Variants in CDH26 observed in about 807,000 individuals in gnomAD.
The protein encoded by CDH26 is cadherin-like protein 26.
Under a neutral mutation model 90.3 loss-of-function variants are expected in CDH26, and 83 were observed. The observed-to-expected ratio is 0.92, with a 90% CI of 0.77 to 1.10. CDH26 has a LOEUF of 1.10. Ranked by LOEUF, CDH26 falls within the 50% of genes least tolerant of loss-of-function variation. The pLI is 0.00. For missense variants in CDH26, 1,013 were observed against 1,037.6 expected (o/e 0.98, Z 0.33); for synonymous variants, 397 against 396.3 (o/e 1.00, Z -0.02).
chr20:59,994,179 G>T, intron 10 of CDH26, 71 bp from the exon 11 acceptor site: 3 of 1,576,642 alleles, frequency 1.9e-6, no homozygotes, highest in South Asian at 1.1e-5. Flanking sequence ...TCTGAGAGAC[G>T]GAGAGTGCTC....
At chr20:60,003,131 T>C (rs2061698488) in intron 16 of CDH26, among the ~76,000 whole-genome samples, 1 of 152,228 alleles carries the variant, frequency 6.6e-6, no homozygotes, top group African/African-American at 2.4e-5. Context: ...ACCTCAGTCA[T>C]AGGCTGAGTT....
At chr20:59,977,157 C>T (rs1264814020) in intron 4 of CDH26, among the ~76,000 whole-genome samples, 4 of 152,130 alleles carry the variant, frequency 2.6e-5, no homozygotes, top group African/African-American at 7.2e-5. Context: ...AGGCCATCTA[C>T]GGGAAGGGCT....
chr20:60,001,245 T>A, intron 14 of CDH26, 98 bp from the exon 15 acceptor site: 1 of 1,428,048 alleles, frequency 7.0e-7, no homozygotes, highest in Non-Finnish European at 9.7e-7. Flanking sequence ...TATGAATATA[T>A]GAGCAAGGGG....
chr20:59,979,898 A>G (rs2061375251), intron 4 of CDH26, among the ~76,000 whole-genome samples: 1 of 151,972 alleles, frequency 6.6e-6, no homozygotes, highest in South Asian at 2.1e-4. Context: ...AAGTGCTGGG[A>G]TTACAGGTGT....
At chr20:59,994,510 C>T (rs563877897) in intron 11 of CDH26, 21 bp downstream of exon 11, 95 of 1,611,264 alleles carry the variant, frequency 5.9e-5, no homozygotes, top group Middle Eastern at 1.6e-4. Context: ...GTATTGGTTA[C>T]GGGCAAAGAG....
chr20:59,967,923 C>CTTT (rs2061187153), intron 1 of CDH26, among the ~76,000 whole-genome samples: 2 of 136,514 alleles, frequency 1.5e-5, no homozygotes, highest in African/African-American at 6.0e-5. Flanking sequence ...CCTTTCCTTT[C>CTTT]CTTTCCTTTC....
In CDH26 at chr20:59,970,159, G is replaced by A. The variant is rs764734372; in HGVS notation, c.204G>A (p.Pro68=). 18 of 1,613,872 alleles carry A rather than the reference G, an allele frequency of 1.1e-5. No homozygotes were observed. The highest frequency in any genetic ancestry group is 1.6e-4 in the Middle Eastern group (1 of 6,080). ...ITTLELEEED[P]GPFPKLIGEL... is the part of the protein sequence containing the mutation. ...CCTTGGAGCTGGAGGAGGAAGACCC[G>A]GGACCCTTTCCCAAACTCATTGGTG... The change falls in exon 3 of 18, where the codon CCG becomes CCA. Residue 68 remains proline (P), a synonymous_variant. Coordinates refer to ENST00000348616, the MANE Select transcript of CDH26 (RefSeq NM_177980.4).
At chr20:60,009,600 A>G (rs1371232484) in intron 17 of CDH26, among the ~76,000 whole-genome samples, 2 of 152,014 alleles carry the variant, frequency 1.3e-5, no homozygotes, top group Non-Finnish European at 2.9e-5. Context: ...TGGAAGCTCG[A>G]AGCTCTGCTT....
chr20:60,009,710 G>A (rs932299725), intron 17 of CDH26, among the ~76,000 whole-genome samples: 3 of 152,088 alleles, frequency 2.0e-5, no homozygotes, highest in Non-Finnish European at 4.4e-5. Context: ...TTGATCTGAT[G>A]AGGCCTCCAA....
chr20:59,984,890 G>A, intron 6 of CDH26, 85 bp downstream of exon 6: 1 of 1,559,090 alleles, frequency 6.4e-7, no homozygotes. Context: ...TTGTAGTGGG[G>A]AACCCTCTGT....
chr20:60,002,759 T>C (rs1253787273), intron 15 of CDH26, 54 bp from the exon 16 acceptor site: 1 of 1,413,082 alleles, frequency 7.1e-7, no homozygotes, highest in Non-Finnish European at 9.8e-7. Context: ...AGTTATGTAT[T>C]TGCATCCTTT....
chr20:60,026,839 G>C (rs769435999), intron 7 of CDH26, among the ~76,000 whole-genome samples: 1 of 152,226 alleles, frequency 6.6e-6, no homozygotes, highest in Non-Finnish European at 1.5e-5. Flanking sequence ...CTGGTAATCT[G>C]TATGACATCA....
intron 2 of CDH26, among the ~76,000 whole-genome samples, chr20:59,969,500 C>T (rs746054865): frequency 1.2e-4 from 18 of 152,168 alleles, no homozygotes; most frequent in Non-Finnish European, 2.4e-4. Context: ...TAGAAACCAA[C>T]TTCACTTATA....
At position 59,996,166 on chromosome 20, in the gene CDH26, G is replaced by A. The variant is rs1316117157; in HGVS notation, c.1888+112G>A. ...CAGCGGTGGCAGGATTGGTGGAATG[G>A]CTTTGAGAATGACTTCTGGGTGTAC... On this transcript the variant is annotated intron_variant, in intron 12 of 17. Transcript: ENST00000348616. The A allele has an allele frequency of 3.4e-6, 4 of 1,162,218 alleles. No homozygotes were observed. In the African/African-American group the frequency reaches 4.6e-5, roughly 13 times the overall value. The allele number at this position is 1,162,218 out of a possible 1,614,324, so 72.0% of individuals were successfully genotyped here.
rs1222129983 is a variant in CDH26, at chr20:59,996,726, A to C, written c.1984A>C (p.Met662Leu). Residue 662 changes from methionine (M) to leucine (L), a missense_variant, in exon 13 of 18, where the codon ATG becomes CTG. Met to Leu is a conservative substitution (Grantham distance 15). Transcript: ENST00000348616. ...TGATGAAGGCCACCAAACACTGGTC[A>C]TGTATAATGCGGAGAGCAAAGGCAC... ...SNDEGHQTLV[M>L]YNAESKGTSA... 3.7e-6 allele frequency: 6 copies of C among 1,614,120 alleles called. No individual in the cohort carries two copies. The highest frequency in any genetic ancestry group is 2.2e-5 in the East Asian group (1 of 44,888).
At chr20:60,019,613 G>A (rs2061935852) in intron 7 of CDH26, among the ~76,000 whole-genome samples, 1 of 151,908 alleles carries the variant, frequency 6.6e-6, no homozygotes, top group Admixed American at 6.6e-5. Flanking sequence ...CCTTGATTTT[G>A]TTGAATTGTC....
At chr20:60,005,756 C>T (rs2061739856) in intron 16 of CDH26, among the ~76,000 whole-genome samples, 1 of 152,162 alleles carries the variant, frequency 6.6e-6, no homozygotes, top group Non-Finnish European at 1.5e-5. Context: ...GGGGATCCTC[C>T]CTCCAGGGCT....
chr20:59,969,887 C>T (rs1037678082), intron 2 of CDH26, among the ~76,000 whole-genome samples, 195 bp from the exon 3 acceptor site: 2 of 152,168 alleles, frequency 1.3e-5, no homozygotes, highest in South Asian at 2.1e-4. Context: ...GCATCCACCC[C>T]GTGGTTAGAG....
Position 60,002,830 on chromosome 20 carries a change from T to C in CDH26, c.2184T>C (p.Phe728=), listed in dbSNP as rs766760653. Reference sequence around the variant, plus strand: ...TCTTTAAGGGTTATGGCAAGCCCTTTGAGCCAAGAAGTGTGAAAAACATAC... The same window carrying C: ...TCTTTAAGGGTTATGGCAAGCCCTTCGAGCCAAGAAGTGTGAAAAACATAC... The part of the protein sequence containing the change: ...ALGSWGYGKP[F]EPRSVKNIHS... The change falls in exon 16 of 18, where the codon TTT becomes TTC. Residue 728 remains phenylalanine, a synonymous_variant. Transcript: ENST00000348616. 6.2e-7 allele frequency: 1 copy of C among 1,602,188 alleles called. No individual in the cohort carries two copies. The highest frequency in any genetic ancestry group is 1.1e-5 in the South Asian group (1 of 88,562).
Sources: allele counts gnomAD v4.1 joint callset (sites outside exome capture counted in the v4.1 genomes callset), GRCh38; gene constraint gnomAD v4.1.1; transcripts MANE v1.5; gene names NCBI Gene and HGNC (gene_info 2026-07-23, HGNC 2026-07-21).